ANKRD44: variants seen among roughly 807,000 people sequenced by gnomAD.
ANKRD44 encodes serine/threonine-protein phosphatase 6 regulatory ankyrin repeat subunit B.
Under a neutral mutation model 116.0 loss-of-function variants are expected in ANKRD44, and 35 were observed. That is an observed-to-expected ratio of 0.30 (90% CI 0.23 to 0.40). The LOEUF is 0.40. Among genes scored for constraint, ANKRD44 ranks in the 10% least tolerant of loss-of-function variants. The probability of loss-of-function intolerance (pLI) is 1.00; values close to 1 mark genes in which losing one functional copy is unlikely to be tolerated. For synonymous variants in ANKRD44, 435 were observed against 461.8 expected (o/e 0.94, Z 0.74); for missense variants, 1,014 against 1,242.6 (o/e 0.82, Z 2.77).
chr2:197,085,065 A>G (rs900864675), intron 13 of ANKRD44, among the ~76,000 whole-genome samples: 9 of 152,214 alleles, frequency 5.9e-5, no homozygotes, highest in Non-Finnish European at 1.0e-4. Flanking sequence ...TTAGCTCTCG[A>G]TTGTTCAGCA....
chr2:197,075,125 G>T (rs1254350889), intron 16 of ANKRD44, among the ~76,000 whole-genome samples: 2 of 152,002 alleles, frequency 1.3e-5, no homozygotes, highest in African/African-American at 4.8e-5. Flanking sequence ...GTAATCAGAG[G>T]CCTAGAGTTT....
chr2:196,978,972 T>C (rs886913924), intron 21 of ANKRD44, among the ~76,000 whole-genome samples: 3 of 151,770 alleles, frequency 2.0e-5, no homozygotes, highest in South Asian at 4.2e-4. Flanking sequence ...AAAATAGATA[T>C]AGCATAGTCG....
At chr2:197,080,663 C>A (rs1159026820) in intron 15 of ANKRD44, among the ~76,000 whole-genome samples, 1 of 152,136 alleles carries the variant, frequency 6.6e-6, no homozygotes, top group East Asian at 1.9e-4. Flanking sequence ...TGTCCTCATC[C>A]CAATTACCAT....
intron 16 of ANKRD44, among the ~76,000 whole-genome samples, chr2:197,040,300 T>C (rs913383427): frequency 6.6e-6 from 1 of 151,452 alleles, no homozygotes; most frequent in African/African-American, 2.4e-5. Flanking sequence ...ATTTTTTTAG[T>C]ATAATGTTAA....
chr2:197,053,256 A>G (rs1280043534), intron 16 of ANKRD44, among the ~76,000 whole-genome samples: 1 of 152,218 alleles, frequency 6.6e-6, no homozygotes, highest in Non-Finnish European at 1.5e-5. Flanking sequence ...GTACACAAGA[A>G]AAAAGACTGT....
At chr2:197,103,794 A>C (rs1359700136) in intron 9 of ANKRD44, among the ~76,000 whole-genome samples, 2 of 152,192 alleles carry the variant, frequency 1.3e-5, no homozygotes, top group East Asian at 3.8e-4. Flanking sequence ...CAAGATAGTC[A>C]GTACTAGTAT....
chr2:197,138,619 C>T (rs946300391), intron 3 of ANKRD44, among the ~76,000 whole-genome samples: 3 of 152,160 alleles, frequency 2.0e-5, no homozygotes, highest in African/African-American at 4.8e-5. Flanking sequence ...GGATTCAAAC[C>T]TTTTAAAATT....
intron 1 of ANKRD44, among the ~76,000 whole-genome samples, chr2:197,205,733 G>T (rs1011037679): frequency 6.6e-6 from 1 of 152,198 alleles, no homozygotes; most frequent in Non-Finnish European, 1.5e-5. Context: ...AGGAAGAAAA[G>T]TAAACAGTGA....
chr2:197,008,007 C>CT (rs2076231416), intron 19 of ANKRD44, 84 bp from the exon 20 acceptor site: 5 of 943,724 alleles, frequency 5.3e-6, no homozygotes, highest in Admixed American at 3.7e-5. Flanking sequence ...TTCTCTTTCT[C>CT]CCATTCTCTT....
intron 9 of ANKRD44, among the ~76,000 whole-genome samples, chr2:197,100,557 TC>T (rs1385064866): frequency 2.0e-5 from 3 of 152,240 alleles, no homozygotes; most frequent in African/African-American, 7.2e-5. Flanking sequence ...TGTATTCAAA[TC>T]CCATAAAGTG....
At chr2:197,046,748 A>G (rs2077009089) in intron 16 of ANKRD44, among the ~76,000 whole-genome samples, 1 of 152,238 alleles carries the variant, frequency 6.6e-6, no homozygotes. Context: ...TATTTTAAAA[A>G]GTAAATCTTG....
At chr2:197,050,383 T>C (rs1023117696) in intron 16 of ANKRD44, among the ~76,000 whole-genome samples, 1 of 152,038 alleles carries the variant, frequency 6.6e-6, no homozygotes, top group Non-Finnish European at 1.5e-5. Context: ...AGCATTCTAC[T>C]TCTTCCCTAT....
intron 16 of ANKRD44, among the ~76,000 whole-genome samples, chr2:197,040,538 G>A (rs2076892401): frequency 1.3e-5 from 2 of 151,500 alleles, no homozygotes; most frequent in African/African-American, 4.8e-5. Flanking sequence ...CACCACACCT[G>A]GATAATTTTT....
At chr2:197,116,215 T>C (rs981641011) in intron 8 of ANKRD44, among the ~76,000 whole-genome samples, 2 of 152,170 alleles carry the variant, frequency 1.3e-5, no homozygotes, top group African/African-American at 4.8e-5. Flanking sequence ...TTCTAGCCTC[T>C]GGTATGGGGC....
intron 16 of ANKRD44, among the ~76,000 whole-genome samples, chr2:197,047,647 C>T (rs1383074523): frequency 6.6e-6 from 1 of 151,858 alleles, no homozygotes. Context: ...TGCGGTGGCT[C>T]ACGCCTGTAA....
chr2:197,002,519 A>G (rs1242865539), intron 21 of ANKRD44, among the ~76,000 whole-genome samples: 1 of 152,220 alleles, frequency 6.6e-6, no homozygotes. Context: ...GGGATCTCTG[A>G]GCCTCAGTTT....
intron 2 of ANKRD44, among the ~76,000 whole-genome samples, chr2:197,155,491 A>C (rs1490359031): frequency 6.6e-6 from 1 of 152,262 alleles, no homozygotes; most frequent in East Asian, 1.9e-4. Flanking sequence ...AGAAGAATAA[A>C]ATTGGAGAAC....
intron 1 of ANKRD44, chr2:197,263,425 C>G (rs991403571): frequency 1.7e-6 from 1 of 577,446 alleles, no homozygotes; most frequent in African/African-American, 2.0e-5. Flanking sequence ...TGCCAGGAAC[C>G]CTTCTCTGAA....
chr2:197,222,820 AT>A (rs533208791), intron 1 of ANKRD44, among the ~76,000 whole-genome samples: 22 of 146,864 alleles, frequency 1.5e-4, no homozygotes, highest in Admixed American at 3.4e-4. Context: ...TTATTTATTT[AT>A]TTTTTTTTTG....
Sources: gnomAD v4.1 joint callset for allele counts (sites outside exome capture counted in the v4.1 genomes callset) on GRCh38, gnomAD v4.1.1 for gene constraint, MANE v1.5 for transcripts, NCBI Gene and HGNC (gene_info 2026-07-23, HGNC 2026-07-21) for gene names.